The following KCND2 variants were observed in gnomAD, a reference collection of about 807,000 sequenced individuals.
KCND2 encodes A-type voltage-gated potassium channel KCND2.
In KCND2, 16 loss-of-function variants were observed where a neutral mutation model predicts 54.4. That is an observed-to-expected ratio of 0.29 (90% confidence interval 0.20 to 0.45). KCND2 has a LOEUF of 0.45. Ranked by LOEUF, KCND2 falls within the 20% of genes least tolerant of loss-of-function variation. The pLI is 1.00. For missense variants in KCND2, 486 were observed against 824.2 expected (o/e 0.59, Z 5.02); for synonymous variants, 317 against 310.7 (o/e 1.02, Z -0.21).
chr7:120,695,566 A>G (rs1792323040), intron 1 of KCND2, among the ~76,000 whole-genome samples: 1 of 152,194 alleles, frequency 6.6e-6, no homozygotes, highest in South Asian at 2.1e-4. Flanking sequence ...TGTTTTTAGT[A>G]ATCCTCAAAT....
chr7:120,451,842 GAAATC>G (rs1802115612), intron 1 of KCND2, among the ~76,000 whole-genome samples: 1 of 152,262 alleles, frequency 6.6e-6, no homozygotes, highest in Admixed American at 6.5e-5. Flanking sequence ...GAAAATTCTA[GAAATC>G]TCACCAGCTT....
At chr7:120,746,656 T>C (rs1228536220) in intron 5 of KCND2, 1 of 152,978 alleles carries the variant, frequency 6.5e-6, no homozygotes, top group Non-Finnish European at 1.5e-5. Context: ...CCTTTGCTTT[T>C]CCTTATTCAC....
intron 1 of KCND2, among the ~76,000 whole-genome samples, chr7:120,678,736 GTGTATATATATATATA>G (rs1300187005): frequency 8.7e-5 from 7 of 80,474 alleles, no homozygotes; most frequent in African/African-American, 2.0e-4. Context: ...GGGTGTGTGA[GTGTATATATATATATA>G]TATATATATA....
At position 120,742,701 on chromosome 7, in the gene KCND2, A is replaced by G. The variant is rs1005841408; in HGVS notation, c.1467+99A>G. 1.5e-4 allele frequency: 139 copies of G among 915,054 alleles called. 1 individual carries two copies. Among genetic ancestry groups the G allele is most frequent in the Non-Finnish European group, 4.0e-5 (22 of 551,736 alleles). The allele number at this position is 915,054 out of a possible 1,614,324, so 56.7% of individuals were successfully genotyped here. A position where few individuals can be genotyped will look rare whatever the true frequency, so the allele number is the denominator to read the frequency against. On this transcript the variant is annotated intron_variant, in intron 4 of 5. Coordinates refer to ENST00000331113, the MANE Select transcript of KCND2 (RefSeq NM_012281.3). ...TTCCGAGTGTGATTTCACTGTCTGC[A>G]TTACTGGAAAACATGCTAAAAAACA...
At chr7:120,617,451 A>G (rs1027589644) in intron 1 of KCND2, among the ~76,000 whole-genome samples, 1 of 152,214 alleles carries the variant, frequency 6.6e-6, no homozygotes, top group Non-Finnish European at 1.5e-5. Context: ...ATTCTATTTC[A>G]CACCAGTCAG....
intron 1 of KCND2, among the ~76,000 whole-genome samples, chr7:120,299,715 C>T (rs1036727234): frequency 1.3e-5 from 2 of 152,096 alleles, no homozygotes; most frequent in South Asian, 2.1e-4. Flanking sequence ...ATAACATCTG[C>T]GTTCCACAGA....
intron 1 of KCND2, among the ~76,000 whole-genome samples, chr7:120,461,484 C>T (rs1387232278): frequency 6.6e-6 from 1 of 152,184 alleles, no homozygotes; most frequent in Non-Finnish European, 1.5e-5. Flanking sequence ...CAGATTCTTA[C>T]ACCAATGCCC....
intron 1 of KCND2, among the ~76,000 whole-genome samples, chr7:120,613,169 T>C (rs192595931): frequency 6.6e-6 from 1 of 151,948 alleles, no homozygotes; most frequent in Non-Finnish European, 1.5e-5. Context: ...CAGCATACTA[T>C]AGAAACTCAA....
At chr7:120,383,662 T>A (rs1395305297) in intron 1 of KCND2, among the ~76,000 whole-genome samples, 1 of 152,066 alleles carries the variant, frequency 6.6e-6, no homozygotes, top group African/African-American at 2.4e-5. Flanking sequence ...TGTACATACA[T>A]GTAACATGTA....
chr7:120,380,421 A>C (rs1181927988), intron 1 of KCND2, among the ~76,000 whole-genome samples: 4 of 151,838 alleles, frequency 2.6e-5, no homozygotes, highest in Non-Finnish European at 4.4e-5. Flanking sequence ...GATGAACTGG[A>C]ACCTGACAAC....
In KCND2 at chr7:120,275,090, A is replaced by G. The variant is rs1254929311; in HGVS notation, c.458A>G (p.Asp153Gly). ...GCCGAGCGCCTGCAGGACGACGCGG[A>G]TACCGACACCGCTGGGGAGAGCGCC... ...ENAERLQDDA[D>G]TDTAGESALP... The change falls in exon 1 of 6, where the codon GAT becomes GGT. Residue 153 changes from aspartate to glycine, a missense_variant. Physicochemically the swap from Asp to Gly is moderately conservative, Grantham distance 94. Around this residue, in one of 7 missense-constraint regions of KCND2, gnomAD observed 231 missense variants for 386.0 expected, o/e 0.60. Coordinates refer to ENST00000331113, the MANE Select transcript of KCND2 (RefSeq NM_012281.3). 23 of 1,613,744 alleles carry G rather than the reference A, an allele frequency of 1.4e-5. No individual in the cohort carries two copies. The highest frequency in any genetic ancestry group is 1.6e-5 in the Non-Finnish European group (19 of 1,179,956).
chr7:120,449,074 A>G (rs561599635), intron 1 of KCND2, among the ~76,000 whole-genome samples: 2 of 152,302 alleles, frequency 1.3e-5, no homozygotes, highest in East Asian at 1.9e-4. Context: ...TCATGCCTGT[A>G]ATCCCAGCAC....
intron 1 of KCND2, among the ~76,000 whole-genome samples, chr7:120,670,031 A>G (rs1791971900): frequency 6.6e-6 from 1 of 152,050 alleles, no homozygotes; most frequent in Non-Finnish European, 1.5e-5. Flanking sequence ...TGAGGGATAA[A>G]AGGCTACATA....
rs1793028901 is a variant in KCND2 at position 120,748,149 on chromosome 7, A to G, written c.*291A>G. 1 of 219,554 alleles carries G rather than the reference A, an allele frequency of 4.6e-6. No homozygotes were observed. The highest frequency in any genetic ancestry group is 9.0e-6 in the Non-Finnish European group (1 of 110,872). The allele number at this position is 219,554 out of a possible 1,614,324, so 13.6% of individuals were successfully genotyped here. ...CTTATGATCAGAACTCTTTTTTAAT[A>G]AAATAAATAACATAAATCGTTGAAC... On this transcript the variant is annotated 3_prime_UTR_variant, in exon 6 of 6. Transcript: ENST00000331113.
chr7:120,667,873 C>T (rs1344993907), intron 1 of KCND2, among the ~76,000 whole-genome samples: 1 of 151,672 alleles, frequency 6.6e-6, no homozygotes. Flanking sequence ...TCACAAGAAA[C>T]AAATATTCTT....
In KCND2 at chr7:120,705,317, T is replaced by C. The variant is rs190101546; in HGVS notation, c.1116-27586T>C. Among the ~76,000 whole-genome samples the C allele has an allele frequency of 2.6e-4, 39 of 152,286 alleles. 1 individual carries two copies. Among genetic ancestry groups the C allele is most frequent in the Admixed American group, 2.4e-3 (36 of 15,274 alleles). On this transcript the variant is annotated intron_variant, in intron 1 of 5. Coordinates refer to ENST00000331113, the MANE Select transcript of KCND2 (RefSeq NM_012281.3). ...TTCTTGTCCTTGCATTCAAAAATCA[T>C]GTGCTCAATATGATGTATAAAATTC...
At chr7:120,529,694 A>G (rs995876597) in intron 1 of KCND2, among the ~76,000 whole-genome samples, 3 of 152,176 alleles carry the variant, frequency 2.0e-5, no homozygotes, top group African/African-American at 7.2e-5. Flanking sequence ...CAGCACCTGT[A>G]GAGTACACTC....
At chr7:120,565,110 A>G (rs946347104) in intron 1 of KCND2, among the ~76,000 whole-genome samples, 1 of 152,166 alleles carries the variant, frequency 6.6e-6, no homozygotes, top group African/African-American at 2.4e-5. Flanking sequence ...AGAACAGACA[A>G]TGATAATGAT....
intron 1 of KCND2, among the ~76,000 whole-genome samples, chr7:120,465,744 A>G (rs1006956498): frequency 6.6e-6 from 1 of 152,330 alleles, no homozygotes; most frequent in African/African-American, 2.4e-5. Flanking sequence ...AAGTTAAACT[A>G]AATGATGTGA....
Sources: allele counts gnomAD v4.1 joint callset (sites outside exome capture counted in the v4.1 genomes callset), GRCh38; gene constraint gnomAD v4.1.1; regional missense constraint gnomAD v4.1.1; transcripts MANE v1.5; gene names NCBI Gene and HGNC (gene_info 2026-07-23, HGNC 2026-07-21).